The following TTC7B variants were observed in gnomAD, a reference collection of about 807,000 sequenced individuals.
TTC7B encodes tetratricopeptide repeat protein 7B.
In TTC7B, 28 loss-of-function variants were observed where a neutral mutation model predicts 106.8. The observed-to-expected ratio is 0.26, with a 90% CI of 0.19 to 0.36. The LOEUF (loss-of-function observed/expected upper bound fraction) is 0.36. Ranked by LOEUF, TTC7B falls within the 10% of genes least tolerant of loss-of-function variation. TTC7B has a pLI of 1.00. For missense variants in TTC7B, 862 were observed against 1,076.4 expected (o/e 0.80, Z 2.79); for synonymous variants, 405 against 430.6 (o/e 0.94, Z 0.74).
intron 6 of TTC7B, among the ~76,000 whole-genome samples, chr14:90,695,031 TTTTTATTTTATTATAAAATATA>T (rs1418279486): frequency 0.21 from 9,230 of 44,160 alleles, 462 homozygotes; most frequent in African/African-American, 0.27. Flanking sequence ...ATATGTATAT[TTTTTATTTTATTATAAAATATA>T]TTTTATTTTA....
chr14:90,608,086 G>A lies in TTC7B; in HGVS notation c.1966+2656C>T, dbSNP rs539890638. On this transcript the variant is annotated intron_variant, in intron 17 of 19. Transcript: ENST00000328459. The surrounding 1 kb of genome is among the most constrained non-coding windows in gnomAD (Gnocchi z 5.1). ...AAACAATCTGTGTTGTGGGTGGTTCGCAAGGCGGGCTCTCCACACAGGTGT... is the reference window on the plus strand; with the variant it reads ...AAACAATCTGTGTTGTGGGTGGTTCACAAGGCGGGCTCTCCACACAGGTGT... Among the ~76,000 whole-genome samples the A allele has an allele frequency of 1.4e-4, 21 of 152,274 alleles. No homozygotes were observed. In the East Asian group the frequency reaches 2.1e-3, roughly 15 times the overall value.
At chr14:90,706,161 ATTTTT>A (rs59137630) in intron 5 of TTC7B, among the ~76,000 whole-genome samples, 38,589 of 128,852 alleles carry the variant, frequency 0.3, 5,126 homozygotes, top group Middle Eastern at 0.4. Context: ...AGCTGGAATA[ATTTTT>A]TTTTTTTTTT....
chr14:90,560,362 A>G (rs903348729), intron 19 of TTC7B, among the ~76,000 whole-genome samples: 1 of 152,216 alleles, frequency 6.6e-6, no homozygotes, highest in African/African-American at 2.4e-5. Flanking sequence ...TGCAAGTGTG[A>G]ACCAGCAGGA....
intron 3 of TTC7B, among the ~76,000 whole-genome samples, chr14:90,777,653 C>A (rs1470506520): frequency 6.6e-6 from 1 of 152,190 alleles, no homozygotes; most frequent in Non-Finnish European, 1.5e-5. Flanking sequence ...ATTCAGAGAA[C>A]CCCCTGACAG....
intron 9 of TTC7B, among the ~76,000 whole-genome samples, chr14:90,667,459 T>G (rs1444857145): frequency 6.6e-6 from 1 of 152,124 alleles, no homozygotes; most frequent in East Asian, 1.9e-4. Context: ...ACATACACCA[T>G]CAATTTGGTG....
chr14:90,811,712 A>G (rs1187415652), intron 1 of TTC7B, among the ~76,000 whole-genome samples: 1 of 152,226 alleles, frequency 6.6e-6, no homozygotes, highest in Non-Finnish European at 1.5e-5. Context: ...ACCACGAGGT[A>G]ATTAAAATGT....
Position 90,629,394 on chromosome 14 carries a change from A to G in TTC7B, c.1752-11349T>C, listed in dbSNP as rs572968293. 3.3e-5 allele frequency among the ~76,000 whole-genome samples: 5 copies of G among 152,332 alleles called. No homozygotes were observed. The South Asian group carries it at 1.0e-3, about 32-fold the overall frequency. On this transcript the variant is annotated intron_variant, in intron 15 of 19. Coordinates refer to ENST00000328459, the MANE Select transcript of TTC7B (RefSeq NM_001010854.2). Reference sequence around the variant, plus strand: ...AGCACCTTATACCGCCCATTTGCAGAAAGTATGGCCATCATTTTATCAGAC... The same window carrying G: ...AGCACCTTATACCGCCCATTTGCAGGAAGTATGGCCATCATTTTATCAGAC...
chr14:90,726,927 C>T (rs1468640124), intron 5 of TTC7B, among the ~76,000 whole-genome samples: 2 of 151,882 alleles, frequency 1.3e-5, no homozygotes, highest in African/African-American at 4.8e-5. Flanking sequence ...CCCAGAGACT[C>T]GGGACTGGGA....
At chr14:90,752,486 C>T (rs1226185413) in intron 3 of TTC7B, among the ~76,000 whole-genome samples, 1 of 152,232 alleles carries the variant, frequency 6.6e-6, no homozygotes, top group Non-Finnish European at 1.5e-5. Flanking sequence ...ATCTCATTGC[C>T]TGAAAATTCA....
chr14:90,694,262 T>A (rs1887587594), intron 6 of TTC7B, among the ~76,000 whole-genome samples: 1 of 151,926 alleles, frequency 6.6e-6, no homozygotes, highest in South Asian at 2.1e-4. Flanking sequence ...AAACCACGAA[T>A]GGTATCATTC....
At chr14:90,593,289 G>A (rs1039542685) in intron 18 of TTC7B, among the ~76,000 whole-genome samples, 197 bp downstream of exon 18, 7 of 152,208 alleles carry the variant, frequency 4.6e-5, no homozygotes, top group African/African-American at 1.2e-4. Context: ...GAGAGGGATC[G>A]GGGGATACAG....
intron 18 of TTC7B, among the ~76,000 whole-genome samples, chr14:90,580,682 A>G (rs1891452355): frequency 6.6e-6 from 1 of 152,200 alleles, no homozygotes; most frequent in African/African-American, 2.4e-5. Flanking sequence ...GTGCCTGTAA[A>G]GCCATCACTG....
At chr14:90,678,551 G>A (rs1886929178) in intron 8 of TTC7B, among the ~76,000 whole-genome samples, 1 of 152,190 alleles carries the variant, frequency 6.6e-6, no homozygotes, top group Admixed American at 6.5e-5. Context: ...TTTCTGAAAT[G>A]ATTTACAGGA....
At chr14:90,758,309 C>A (rs1036113767) in intron 3 of TTC7B, among the ~76,000 whole-genome samples, 1 of 146,500 alleles carries the variant, frequency 6.8e-6, no homozygotes, top group Non-Finnish European at 1.5e-5. Flanking sequence ...AGATGCAGGG[C>A]ACTGGCTCCA....
intron 1 of TTC7B, among the ~76,000 whole-genome samples, chr14:90,793,524 CAA>C (rs199770166): frequency 6.2e-5 from 8 of 128,494 alleles, no homozygotes; most frequent in Non-Finnish European, 7.9e-5. Flanking sequence ...GACTCTGTCT[CAA>C]AAAAAAAAAA....
chr14:90,762,400 A>G (rs962371631), intron 3 of TTC7B, among the ~76,000 whole-genome samples: 6 of 152,204 alleles, frequency 3.9e-5, no homozygotes, highest in Admixed American at 2.6e-4. Context: ...GAACAGAGAA[A>G]GGGCCCAAAT....
chr14:90,722,612 A>G lies in TTC7B; in HGVS notation c.698+7463T>C, dbSNP rs114132785. ...TTTCTAGGAAGTGGCCTGTATACAGAGCTGCAATTCATCCTGTATCATCTG... is the reference window on the plus strand; with the variant it reads ...TTTCTAGGAAGTGGCCTGTATACAGGGCTGCAATTCATCCTGTATCATCTG... On this transcript the variant is annotated intron_variant, in intron 5 of 19. Coordinates refer to ENST00000328459, the MANE Select transcript of TTC7B (RefSeq NM_001010854.2). Among the ~76,000 whole-genome samples, 892 of 152,294 alleles carry G rather than the reference A, an allele frequency of 5.9e-3. 6 individuals are homozygous for G. Among genetic ancestry groups the G allele is most frequent in the African/African-American group, 0.021 (860 of 41,546 alleles).
At chr14:90,791,878 T>C (rs1427528685) in intron 1 of TTC7B, among the ~76,000 whole-genome samples, 1 of 152,080 alleles carries the variant, frequency 6.6e-6, no homozygotes, top group Non-Finnish European at 1.5e-5. Flanking sequence ...ACTTCTATCC[T>C]GATCTACTTT....
intron 19 of TTC7B, among the ~76,000 whole-genome samples, chr14:90,563,256 T>C: frequency 6.6e-6 from 1 of 152,166 alleles, no homozygotes; most frequent in East Asian, 1.9e-4. Context: ...GACACAGGCA[T>C]GTCTCGGAGC....
Sources: allele counts gnomAD v4.1 joint callset (sites outside exome capture counted in the v4.1 genomes callset), GRCh38; gene constraint gnomAD v4.1.1; non-coding constraint Gnocchi (gnomAD v3.1); transcripts MANE v1.5; gene names NCBI Gene and HGNC (gene_info 2026-07-23, HGNC 2026-07-21).